SGCG: variants seen among roughly 807,000 people sequenced by gnomAD.
SGCG encodes sarcoglycan gamma.
Under a neutral mutation model 29.3 loss-of-function variants are expected in SGCG, and 26 were observed. The ratio of observed to expected loss-of-function variants is 0.89; its 90% CI spans 0.65 to 1.23. The LOEUF is 1.23. Among genes scored for constraint, SGCG ranks in the 50% most tolerant of loss-of-function variants. The probability of loss-of-function intolerance (pLI) is 0.00; values close to 1 mark genes in which losing one functional copy is unlikely to be tolerated. For missense variants in SGCG, 353 were observed against 356.0 expected (o/e 0.99, Z 0.07); for synonymous variants, 145 against 129.7 (o/e 1.12, Z -0.80).
At chr13:23,313,422 C>T (rs1882679790) in intron 6 of SGCG, among the ~76,000 whole-genome samples, 1 of 152,148 alleles carries the variant, frequency 6.6e-6, no homozygotes, top group Non-Finnish European at 1.5e-5. Flanking sequence ...GCCTCAGCCT[C>T]CCAAAGTGTT....
intron 4 of SGCG, among the ~76,000 whole-genome samples, chr13:23,271,961 CTTTTG>C (rs1880891979): frequency 6.6e-6 from 1 of 151,928 alleles, no homozygotes. Context: ...TTTATTTTAA[CTTTTG>C]TTTGTATGTA....
In SGCG at chr13:23,193,589, G is replaced by A. The variant is rs576756100; in HGVS notation, c.1-10106G>A. Reference sequence around the variant, plus strand: ...TCAACTGGGAATGGCCGATGCCATGGACTGAGATGGGAATAGAGAAGAGAA... The same window carrying A: ...TCAACTGGGAATGGCCGATGCCATGAACTGAGATGGGAATAGAGAAGAGAA... On this transcript the variant is annotated intron_variant, in intron 1 of 7. Transcript: ENST00000218867. 2.1e-4 allele frequency among the ~76,000 whole-genome samples: 32 copies of A among 152,300 alleles called. No individual in the cohort carries two copies. In the South Asian group the frequency reaches 5.8e-3, roughly 28 times the overall value.
chr13:23,269,232 C>A (rs973877427), intron 4 of SGCG: 2 of 152,040 alleles, frequency 1.3e-5, no homozygotes, highest in East Asian at 3.9e-4. Flanking sequence ...ATAGTCAATC[C>A]AAAAATATTT....
At chr13:23,276,390 T>TC (rs1881067310) in intron 4 of SGCG, among the ~76,000 whole-genome samples, 1 of 151,702 alleles carries the variant, frequency 6.6e-6, no homozygotes, top group Non-Finnish European at 1.5e-5. Context: ...TCCCTGTTCT[T>TC]CCTTCATCAG....
At position 23,203,761 on chromosome 13, in the gene SGCG, G is replaced by C. The variant is rs1319783742; in HGVS notation, c.67G>C (p.Val23Leu). The C allele has an allele frequency of 6.2e-7, 1 of 1,614,042 alleles. No homozygotes were observed. ...ICIERPENQY[V>L]YKIGIYGWRK... ...CATAGAGAGGCCAGAGAATCAGTAT[G>C]TCTACAAAATTGGCATTTATGGCTG... The change falls in exon 2 of 8, where the codon GTC (valine) becomes CTC (leucine). Residue 23 changes from valine (V) to leucine (L), a missense_variant. Physicochemically the swap from Val to Leu is conservative, Grantham distance 32. Coordinates refer to ENST00000218867, the MANE Select transcript of SGCG (RefSeq NM_000231.3).
intron 1 of SGCG, among the ~76,000 whole-genome samples, chr13:23,181,443 A>G (rs1462792055): frequency 6.6e-6 from 1 of 152,182 alleles, no homozygotes; most frequent in South Asian, 2.1e-4. Context: ...CTGCTCTTAA[A>G]CTTTAGTGGT....
chr13:23,310,164 G>A (rs568810057), intron 6 of SGCG, among the ~76,000 whole-genome samples: 9 of 129,204 alleles, frequency 7.0e-5, no homozygotes, highest in Non-Finnish European at 1.2e-4. Flanking sequence ...TCGGCTCACT[G>A]CAAGCTCCGC....
At chr13:23,273,860 C>A (rs1053570199) in intron 4 of SGCG, among the ~76,000 whole-genome samples, 2 of 152,188 alleles carry the variant, frequency 1.3e-5, no homozygotes, top group Non-Finnish European at 2.9e-5. Flanking sequence ...ATTATCAGGA[C>A]TTCACCGTCA....
In SGCG at chr13:23,229,498, C is replaced by A. The variant is rs539025541; in HGVS notation, c.196-5113C>A. 3.9e-5 allele frequency among the ~76,000 whole-genome samples: 6 copies of A among 152,324 alleles called. 1 individual carries two copies. In the East Asian group the frequency reaches 1.2e-3, roughly 29 times the overall value. On this transcript the variant is annotated intron_variant, in intron 2 of 7. Transcript: ENST00000218867. ...CACTTTTTAATAATACCCATTCTGA[C>A]TGGTGTGAGATTGTAGCTCATTGTG...
At chr13:23,320,561 T>C in intron 6 of SGCG, 76 bp from the exon 7 acceptor site, 1 of 1,264,954 alleles carries the variant, frequency 7.9e-7, no homozygotes. Context: ...TTTCCCATGC[T>C]AAGTTGAGGG....
intron 3 of SGCG, chr13:23,246,603 A>G (rs2137561960): frequency 5.1e-6 from 1 of 195,048 alleles, no homozygotes. Flanking sequence ...CATTTTGCCC[A>G]TTATTATAAT....
At chr13:23,207,755 C>T (rs1878036615) in intron 2 of SGCG, among the ~76,000 whole-genome samples, 1 of 152,192 alleles carries the variant, frequency 6.6e-6, no homozygotes, top group South Asian at 2.1e-4. Flanking sequence ...TAAGCTACTA[C>T]CTCACACCTG....
rs551061552 is a variant in SGCG at position 23,316,125 on chromosome 13, G to A, written c.579-4512G>A. On this transcript the variant is annotated intron_variant, in intron 6 of 7. Coordinates refer to ENST00000218867, the MANE Select transcript of SGCG (RefSeq NM_000231.3). ...CTGCTGAGTACCCAGTTTGCCAGTA[G>A]CAGAGACCAACACTGAGCCCTTGAT... Among the ~76,000 whole-genome samples, 139 of 152,300 alleles carry A rather than the reference G, an allele frequency of 9.1e-4. 1 individual carries two copies. The highest frequency in any genetic ancestry group is 3.2e-3 in the African/African-American group (134 of 41,558).
intron 1 of SGCG, among the ~76,000 whole-genome samples, chr13:23,188,096 G>A (rs1023404786): frequency 3.3e-5 from 5 of 152,124 alleles, no homozygotes; most frequent in Non-Finnish European, 7.3e-5. Flanking sequence ...TCTGTAAATG[G>A]GTTAATTTTT....
intron 6 of SGCG, among the ~76,000 whole-genome samples, chr13:23,314,160 T>TAGAG (rs199801019): frequency 0.11 from 15,687 of 143,482 alleles, 973 homozygotes; most frequent in Admixed American, 0.18. Flanking sequence ...TAGCTATATA[T>TAGAG]ATAGAGTTTT....
intron 4 of SGCG, among the ~76,000 whole-genome samples, chr13:23,253,396 A>G (rs1880053175): frequency 6.6e-6 from 1 of 152,184 alleles, no homozygotes; most frequent in South Asian, 2.1e-4. Context: ...TCTCTGTTAT[A>G]TTGAGAACCT....
intron 4 of SGCG, among the ~76,000 whole-genome samples, chr13:23,260,849 TG>T (rs1251530994): frequency 6.6e-6 from 1 of 151,984 alleles, no homozygotes; most frequent in African/African-American, 2.4e-5. Flanking sequence ...TCTTTAAGAA[TG>T]TTGAATATTG....
intron 3 of SGCG, among the ~76,000 whole-genome samples, chr13:23,242,118 A>C (rs892223782): frequency 6.6e-6 from 1 of 152,198 alleles, no homozygotes; most frequent in Non-Finnish European, 1.5e-5. Flanking sequence ...ACAGACATTC[A>C]AAGAATGGTA....
intron 6 of SGCG, among the ~76,000 whole-genome samples, chr13:23,301,322 G>A (rs1045515114): frequency 1.1e-4 from 16 of 152,084 alleles, no homozygotes; most frequent in African/African-American, 3.9e-4. Flanking sequence ...TTGAAAAATG[G>A]CAGATTTGGG....
Sources: gnomAD v4.1 joint callset for allele counts (sites outside exome capture counted in the v4.1 genomes callset) on GRCh38, gnomAD v4.1.1 for gene constraint, MANE v1.5 for transcripts, NCBI Gene and HGNC (gene_info 2026-07-23, HGNC 2026-07-21) for gene names.